The following IFT43 variants were observed in gnomAD, a reference collection of about 807,000 sequenced individuals.
IFT43 encodes intraflagellar transport 43.
Under a neutral mutation model 32.3 loss-of-function variants are expected in IFT43, and 33 were observed. The ratio of observed to expected loss-of-function variants is 1.02; its 90% CI spans 0.77 to 1.37. IFT43 has a LOEUF of 1.37. Among genes scored for constraint, IFT43 ranks in the 40% most tolerant of loss-of-function variants. IFT43 has a pLI of 0.00. For synonymous variants in IFT43, 93 were observed against 98.2 expected, an observed-to-expected ratio of 0.95 and a Z score of 0.31; for missense variants, 274 against 265.9, an observed-to-expected ratio of 1.03 and a Z score of -0.21.
chr14:76,053,865 C>T (rs1026060911), intron 3 of IFT43, among the ~76,000 whole-genome samples: 1 of 152,140 alleles, frequency 6.6e-6, no homozygotes, highest in African/African-American at 2.4e-5. Flanking sequence ...TGGAGAACAC[C>T]TGCTTAGTTT....
intron 3 of IFT43, among the ~76,000 whole-genome samples, chr14:76,027,589 G>A (rs2036426881): frequency 6.6e-6 from 1 of 151,658 alleles, no homozygotes; most frequent in South Asian, 2.1e-4. Context: ...GGTGCCTGTA[G>A]TCCCAGCTAC....
chr14:76,025,530 G>A (rs2036374703), intron 3 of IFT43, among the ~76,000 whole-genome samples: 1 of 152,080 alleles, frequency 6.6e-6, no homozygotes, highest in African/African-American at 2.4e-5. Context: ...AAAACCTGGA[G>A]GCATCACACT....
intron 3 of IFT43, among the ~76,000 whole-genome samples, chr14:76,047,104 G>T (rs988110212): frequency 1.3e-5 from 2 of 152,190 alleles, no homozygotes; most frequent in African/African-American, 4.8e-5. Flanking sequence ...AGTCCTCATG[G>T]CCTTGTCACC....
intron 1 of IFT43, among the ~76,000 whole-genome samples, chr14:75,986,949 A>G (rs2035541736): frequency 6.6e-6 from 1 of 152,170 alleles, no homozygotes; most frequent in South Asian, 2.1e-4. Flanking sequence ...GGTGCTGGAG[A>G]TACAGCAATG....
intron 2 of IFT43, among the ~76,000 whole-genome samples, chr14:76,019,998 C>T (rs1394937416): frequency 2.0e-5 from 3 of 150,998 alleles, no homozygotes; most frequent in Non-Finnish European, 2.9e-5. Flanking sequence ...TTTTTGGAGA[C>T]GGAATCTCTC....
rs562666943 is a variant in IFT43 at position 76,010,334 on chromosome 14, G to T, written c.148-11993G>T. ...TGGAGAATGTCCCATTGTTTTTCAC[G>T]AGCACATGCATCAAGGAACAACCTC... is the stretch of plus-strand genomic sequence containing the variant. On this transcript the variant is annotated intron_variant, in intron 2 of 8. Transcript: ENST00000314067. Among the ~76,000 whole-genome samples the T allele has an allele frequency of 7.2e-5, 11 of 152,142 alleles. No homozygotes were observed. The South Asian group carries it at 1.9e-3, about 26-fold the overall frequency.
Position 75,985,773 on chromosome 14 carries a change from A to C in IFT43, c.-14A>C. 1 of 1,614,114 alleles carries C rather than the reference A, an allele frequency of 6.2e-7. No individual in the cohort carries two copies. Among genetic ancestry groups the C allele is most frequent in the Non-Finnish European group, 8.5e-7 (1 of 1,179,994 alleles). ...CAGTCGGTTTCCAGGAAGTGACGTC[A>C]GGCGGCCGCGGAGATGGAGGATTTG... On this transcript the variant is annotated 5_prime_UTR_variant, in exon 1 of 9. Coordinates refer to ENST00000314067, the MANE Select transcript of IFT43 (RefSeq NM_001102564.3).
At chr14:75,989,079 C>A in intron 2 of IFT43, 102 bp downstream of exon 2, 1 of 1,357,638 alleles carries the variant, frequency 7.4e-7, no homozygotes, top group Non-Finnish European at 1.0e-6. Context: ...CTCTTGAATG[C>A]CAACCCTTTC....
intron 1 of IFT43, among the ~76,000 whole-genome samples, chr14:75,986,863 T>C (rs541224039): frequency 8.3e-4 from 127 of 152,364 alleles, no homozygotes; most frequent in African/African-American, 2.9e-3. Context: ...TTTTAGTACC[T>C]GGGGATGTGA....
intron 3 of IFT43, among the ~76,000 whole-genome samples, chr14:76,053,136 T>C (rs2036946381): frequency 6.6e-6 from 1 of 152,144 alleles, no homozygotes; most frequent in Non-Finnish European, 1.5e-5. Context: ...AATAAGATAA[T>C]GTATACTGTA....
At chr14:76,040,151 C>G (rs946674268) in intron 3 of IFT43, among the ~76,000 whole-genome samples, 3 of 152,088 alleles carry the variant, frequency 2.0e-5, no homozygotes, top group African/African-American at 7.2e-5. Context: ...GACAGGGTCT[C>G]ACTATGTTGC....
chr14:76,060,722 G>A (rs2037115055), intron 5 of IFT43, among the ~76,000 whole-genome samples: 1 of 152,030 alleles, frequency 6.6e-6, no homozygotes, highest in Non-Finnish European at 1.5e-5. Flanking sequence ...CTTTTTACCA[G>A]ACACAGAATT....
chr14:76,016,673 C>A (rs1410120497), intron 2 of IFT43, among the ~76,000 whole-genome samples: 1 of 152,174 alleles, frequency 6.6e-6, no homozygotes, highest in East Asian at 1.9e-4. Flanking sequence ...AATATTAATT[C>A]TTCTGATCCA....
chr14:75,992,838 A>G (rs1031365087), intron 2 of IFT43, among the ~76,000 whole-genome samples: 1 of 152,028 alleles, frequency 6.6e-6, no homozygotes, highest in Non-Finnish European at 1.5e-5. Context: ...ACCACACCCA[A>G]CCTGGAGAAA....
intron 5 of IFT43, among the ~76,000 whole-genome samples, chr14:76,070,426 C>A (rs1285775396): frequency 6.6e-6 from 1 of 152,152 alleles, no homozygotes; most frequent in Non-Finnish European, 1.5e-5. Context: ...TCAATGGAAA[C>A]CCTGATGGCT....
In IFT43 at chr14:76,083,304, G is replaced by A. The variant is rs1431383724; in HGVS notation, c.507+15G>A. 1.2e-6 allele frequency: 2 copies of A among 1,611,350 alleles called. No homozygotes were observed. Among genetic ancestry groups the A allele is most frequent in the Non-Finnish European group, 1.7e-6 (2 of 1,177,438 alleles). ...AAGTCCGGGAGGTACAGTGGTGGCA[G>A]CAATTCCCCGGTCTCTCAGCTCTGG... On this transcript the variant is annotated intron_variant, in intron 8 of 8. Transcript: ENST00000314067.
intron 3 of IFT43, among the ~76,000 whole-genome samples, chr14:76,045,511 A>G (rs1399735386): frequency 2.0e-5 from 3 of 152,246 alleles, no homozygotes; most frequent in Non-Finnish European, 2.9e-5. Context: ...ACAGAAGCTT[A>G]AACAGAAAGG....
chr14:76,052,881 T>C (rs1211045917), intron 3 of IFT43, among the ~76,000 whole-genome samples: 1 of 152,160 alleles, frequency 6.6e-6, no homozygotes, highest in Non-Finnish European at 1.5e-5. Flanking sequence ...CTACTATAAG[T>C]TGAAAAGTTG....
intron 5 of IFT43, among the ~76,000 whole-genome samples, chr14:76,075,759 A>G (rs777803560): frequency 2.6e-5 from 4 of 152,246 alleles, no homozygotes; most frequent in Admixed American, 6.5e-5. Flanking sequence ...AATGAGACCA[A>G]TTTCTTTCAC....
Sources: allele counts gnomAD v4.1 joint callset (sites outside exome capture counted in the v4.1 genomes callset), GRCh38; gene constraint gnomAD v4.1.1; transcripts MANE v1.5; gene names NCBI Gene and HGNC (gene_info 2026-07-23, HGNC 2026-07-21).